FAM114A1: variants seen among roughly 807,000 people sequenced by gnomAD.
FAM114A1 encodes protein NOXP20.
FAM114A1 carries 62 observed loss-of-function variants against 64.3 expected under a neutral mutation model. The observed-to-expected ratio is 0.96, with a 90% CI of 0.79 to 1.19. FAM114A1 has a LOEUF of 1.19. Among genes scored for constraint, FAM114A1 ranks in the 50% most tolerant of loss-of-function variants. FAM114A1 has a pLI of 0.00. For missense variants in FAM114A1, 645 were observed against 676.3 expected (o/e 0.95, Z 0.51); for synonymous variants, 254 against 251.1 (o/e 1.01, Z -0.11).
chr4:38,910,316 C>T (rs545455133), intron 7 of FAM114A1, among the ~76,000 whole-genome samples: 60 of 152,144 alleles, frequency 3.9e-4, no homozygotes, highest in Admixed American at 2.0e-3. Flanking sequence ...AAAGAACAAC[C>T]ACCCCTAAGT....
At position 38,902,899 on chromosome 4, in the gene FAM114A1, T is replaced by G. The variant is rs77995704; in HGVS notation, c.437-2623T>G. The stretch of plus-strand genomic sequence containing the variant: ...ATTTTCTTGTTCTGGACACTAGATG[T>G]CACACTAAGTAAAGTTTTAGAGGTT... On this transcript the variant is annotated intron_variant, in intron 4 of 14. Coordinates refer to ENST00000358869, the MANE Select transcript of FAM114A1 (RefSeq NM_138389.4). Among the ~76,000 whole-genome samples the G allele has an allele frequency of 1.5e-3, 221 of 152,290 alleles. 1 individual carries two copies. Among genetic ancestry groups the G allele is most frequent in the African/African-American group, 4.7e-3 (197 of 41,558 alleles).
chr4:38,931,511 G>A lies in FAM114A1; in HGVS notation c.1222G>A (p.Ala408Thr), dbSNP rs759121456. Residue 408 changes from alanine (A) to threonine (T), a missense_variant, in exon 11 of 15, where the codon GCA (alanine) becomes ACA (threonine). By Grantham distance (58) the Ala-to-Thr change is moderately conservative. Coordinates refer to ENST00000358869, the MANE Select transcript of FAM114A1 (RefSeq NM_138389.4). Reference protein sequence around the residue: ...EDQTVVSVDVAKVSEEETKKE... With the variant: ...EDQTVVSVDVTKVSEEETKKE... ...TCAAACCGTGGTGTCAGTAGATGTGGCAAAAGTGTCCGAAGAAGAAACAAA... is the reference window on the plus strand; with the variant it reads ...TCAAACCGTGGTGTCAGTAGATGTGACAAAAGTGTCCGAAGAAGAAACAAA... 1 of 1,614,036 alleles carries A rather than the reference G, an allele frequency of 6.2e-7. No individual in the cohort carries two copies. Among genetic ancestry groups the A allele is most frequent in the South Asian group, 1.1e-5 (1 of 91,052 alleles).
intron 4 of FAM114A1, among the ~76,000 whole-genome samples, chr4:38,898,538 C>T (rs187246859): frequency 2.7e-4 from 41 of 152,236 alleles, no homozygotes; most frequent in African/African-American, 9.6e-4. Flanking sequence ...AACATTGAGA[C>T]AAAGAGAATA....
chr4:38,943,673 A>G lies in FAM114A1; in HGVS notation c.*116A>G. On this transcript the variant is annotated 3_prime_UTR_variant, in exon 15 of 15. Transcript: ENST00000358869. ...ACAGACATCCATTTGAGGACACTAC[A>G]AGCAATTTTGCACAGACAATATTGA... is the stretch of plus-strand genomic sequence containing the variant. The G allele has an allele frequency of 1.3e-6, 1 of 781,184 alleles. No homozygotes were observed. 48.4% of individuals were successfully genotyped at this position (781,184 alleles called of 1,614,324 possible).
At chr4:38,904,533 G>A (rs1436677018) in intron 4 of FAM114A1, among the ~76,000 whole-genome samples, 3 of 152,160 alleles carry the variant, frequency 2.0e-5, no homozygotes, top group Non-Finnish European at 2.9e-5. Context: ...TGTGCTCTTC[G>A]CCTGCCTGAC....
intron 14 of FAM114A1, among the ~76,000 whole-genome samples, chr4:38,942,301 A>T (rs1721637293): frequency 6.6e-6 from 1 of 152,206 alleles, no homozygotes; most frequent in Admixed American, 6.5e-5. Flanking sequence ...CGACAAAGGT[A>T]CAGAAATAAC....
chr4:38,914,114 A>G lies in FAM114A1; in HGVS notation c.793-807A>G, dbSNP rs191173501. Among the ~76,000 whole-genome samples the G allele has an allele frequency of 1.0e-3, 153 of 152,214 alleles. No individual in the cohort carries two copies. The Middle Eastern group carries it at 0.01, about 10-fold the overall frequency. Reference sequence around the variant, plus strand: ...AAACTCCATCTCAAAAAAATAAAATAAAATAAAAAATTATAACTTAGAAAA... The same window carrying G: ...AAACTCCATCTCAAAAAAATAAAATGAAATAAAAAATTATAACTTAGAAAA... On this transcript the variant is annotated intron_variant, in intron 7 of 14. Transcript: ENST00000358869.
rs141491465 is a variant in FAM114A1, at chr4:38,922,619, A to G, written c.946-151A>G. The stretch of plus-strand genomic sequence containing the variant: ...GCTTATCTAACTTGCACAAAGTTGC[A>G]CAGTTAACATGCATCAAGCCAACAT... On this transcript the variant is annotated intron_variant, in intron 8 of 14. Coordinates refer to ENST00000358869, the MANE Select transcript of FAM114A1 (RefSeq NM_138389.4). 1,227 of 900,594 alleles carry G rather than the reference A, an allele frequency of 1.4e-3. 15 individuals carry two copies. In the African/African-American group the frequency reaches 0.019, roughly 14 times the overall value. 55.8% of individuals were successfully genotyped at this position (900,594 alleles called of 1,614,324 possible). A position where few individuals can be genotyped will look rare whatever the true frequency, so the allele number is the denominator to read the frequency against.
chr4:38,869,952 A>G (rs1484064937), intron 2 of FAM114A1, among the ~76,000 whole-genome samples: 2 of 151,998 alleles, frequency 1.3e-5, no homozygotes, highest in African/African-American at 4.8e-5. Context: ...TCTTGTCCTC[A>G]TTTTTCTCTA....
intron 4 of FAM114A1, among the ~76,000 whole-genome samples, chr4:38,903,981 C>T (rs374022703): frequency 6.6e-6 from 1 of 152,278 alleles, no homozygotes; most frequent in East Asian, 1.9e-4. Context: ...AAATGCTACT[C>T]TTTAGGTTTG....
chr4:38,896,577 T>G (rs894225957), intron 4 of FAM114A1, among the ~76,000 whole-genome samples: 1 of 151,902 alleles, frequency 6.6e-6, no homozygotes, highest in African/African-American at 2.4e-5. Flanking sequence ...GCTCACAGCC[T>G]GAAACAGGTT....
intron 8 of FAM114A1, among the ~76,000 whole-genome samples, chr4:38,919,043 C>T (rs1213446323): frequency 6.6e-6 from 1 of 151,946 alleles, no homozygotes; most frequent in Non-Finnish European, 1.5e-5. Context: ...ATCTCAGCTA[C>T]TCGGGAGGCT....
At chr4:38,921,614 T>C (rs758172729) in intron 8 of FAM114A1, among the ~76,000 whole-genome samples, 4 of 152,182 alleles carry the variant, frequency 2.6e-5, no homozygotes, top group Non-Finnish European at 5.9e-5. Context: ...AGAGGGGCTC[T>C]AAAGACAGTG....
chr4:38,908,579 A>G lies in FAM114A1; in HGVS notation c.658-13A>G, dbSNP rs746358823. The G allele has an allele frequency of 6.3e-7, 1 of 1,594,884 alleles. No homozygotes were observed. Among genetic ancestry groups the G allele is most frequent in the Non-Finnish European group, 8.6e-7 (1 of 1,165,004 alleles). On this transcript the variant is annotated splice_polypyrimidine_tract_variant and intron_variant, in intron 6 of 14. Coordinates refer to ENST00000358869, the MANE Select transcript of FAM114A1 (RefSeq NM_138389.4). ...CCTAAACATCTAATCTCATGCAGTT[A>G]TCTCATCTGCAGGGTAAAAGTGTCT...
intron 3 of FAM114A1, among the ~76,000 whole-genome samples, chr4:38,880,100 A>AGTAG (rs1196622410): frequency 0.031 from 3,049 of 98,926 alleles, 202 homozygotes; most frequent in Admixed American, 0.12. Flanking sequence ...AAATAAAATA[A>AGTAG]AATAGAGTAG....
chr4:38,875,689 T>C (rs142855166), intron 2 of FAM114A1, among the ~76,000 whole-genome samples: 80 of 152,328 alleles, frequency 5.3e-4, no homozygotes, highest in African/African-American at 1.7e-3. Flanking sequence ...ACTTCCACTA[T>C]TGTGTTGAAT....
chr4:38,898,132 G>T (rs1395029135), intron 4 of FAM114A1, among the ~76,000 whole-genome samples: 1 of 152,120 alleles, frequency 6.6e-6, no homozygotes, highest in Non-Finnish European at 1.5e-5. Flanking sequence ...CTCTATAGTA[G>T]AATACAGTAA....
intron 12 of FAM114A1, among the ~76,000 whole-genome samples, chr4:38,935,168 CG>C (rs936408220): frequency 6.6e-6 from 1 of 152,120 alleles, no homozygotes; most frequent in Non-Finnish European, 1.5e-5. Context: ...CCACCCACCT[CG>C]GCCTCCCACA....
Position 38,929,321 on chromosome 4 carries a change from CA to C in FAM114A1, c.1152del (p.Lys384AsnfsTer6). On this transcript the variant is annotated frameshift_variant, in exon 10 of 15. Transcript: ENST00000358869. LOFTEE classifies it high-confidence loss of function. ...FELHVAATPD[K>X]LNKAMKRAHD... Reference sequence around the variant, plus strand: ...AATTACATGTGGCGGCCACACCTGACAAACTCAATAAGGTCAGCACTGTCTG... The same window carrying C: ...AATTACATGTGGCGGCCACACCTGACAACTCAATAAGGTCAGCACTGTCTG... 2 of 1,612,128 alleles carry C rather than the reference CA, an allele frequency of 1.2e-6. No individual in the cohort carries two copies. The highest frequency in any genetic ancestry group is 2.2e-5 in the South Asian group (2 of 91,060).
Sources: allele counts gnomAD v4.1 joint callset (sites outside exome capture counted in the v4.1 genomes callset), GRCh38; gene constraint gnomAD v4.1.1; transcripts MANE v1.5; gene names NCBI Gene and HGNC (gene_info 2026-07-23, HGNC 2026-07-21).